Variants in ACAP2 observed in about 807,000 individuals in gnomAD.
ACAP2 encodes the protein arf-GAP with coiled-coil, ANK repeat and PH domain-containing protein 2.
ACAP2 carries 39 observed loss-of-function variants against 115.8 expected under a neutral mutation model. That is an observed-to-expected ratio of 0.34 (90% CI 0.26 to 0.44). ACAP2 has a LOEUF of 0.44. Among genes scored for constraint, ACAP2 ranks in the 20% least tolerant of loss-of-function variants. ACAP2 has a pLI of 1.00. For missense variants in ACAP2, 662 were observed against 927.6 expected (o/e 0.71, Z 3.72); for synonymous variants, 289 against 315.8 (o/e 0.92, Z 0.90).
chr3:195,346,801 CTAT>C (rs759778129), intron 4 of ACAP2, among the ~76,000 whole-genome samples: 28 of 152,088 alleles, frequency 1.8e-4, no homozygotes, highest in Non-Finnish European at 5.9e-5. Context: ...TAGAAACAAA[CTAT>C]GATACATTCA....
chr3:195,342,353 A>G, intron 6 of ACAP2, 118 bp downstream of exon 6: 1 of 1,000,174 alleles, frequency 1.0e-6, no homozygotes, highest in Non-Finnish European at 1.4e-6. Context: ...ACCTAAGATT[A>G]TGTTTTAACT....
At chr3:195,287,789 TAGTACTATACAAAG>T (rs1371059290) in intron 21 of ACAP2, among the ~76,000 whole-genome samples, 2 of 152,122 alleles carry the variant, frequency 1.3e-5, no homozygotes, top group Non-Finnish European at 2.9e-5. Flanking sequence ...GCCTCTGCCC[TAGTACTATACAAAG>T]AGATAAAGAA....
chr3:195,351,364 G>T (rs1432185779), intron 4 of ACAP2, among the ~76,000 whole-genome samples: 3 of 151,868 alleles, frequency 2.0e-5, no homozygotes, highest in African/African-American at 7.3e-5. Context: ...TGATCCGCCC[G>T]CCTCAGCCTT....
intron 4 of ACAP2, among the ~76,000 whole-genome samples, chr3:195,360,453 A>G (rs1732274137): frequency 6.6e-6 from 1 of 152,242 alleles, no homozygotes; most frequent in African/African-American, 2.4e-5. Context: ...CACTTTCAGC[A>G]CTGGACAGAT....
At position 195,275,070 on chromosome 3, in the gene ACAP2, T is replaced by G. The variant is rs1057328823; in HGVS notation, c.*4258A>C. On this transcript the variant is annotated 3_prime_UTR_variant, in exon 23 of 23. Transcript: ENST00000326793. Reference sequence around the variant, plus strand: ...GAGTAAACACATATATAAAAGTAGCTCATCATTTCCAAAAGTTAACCTTTA... The same window carrying G: ...GAGTAAACACATATATAAAAGTAGCGCATCATTTCCAAAAGTTAACCTTTA... 1 of 152,778 alleles carries G rather than the reference T, an allele frequency of 6.5e-6. No homozygotes were observed. Among genetic ancestry groups the G allele is most frequent in the East Asian group, 1.9e-4 (1 of 5,196 alleles). 9.5% of individuals were successfully genotyped at this position (152,778 alleles called of 1,614,324 possible). A position where few individuals can be genotyped will look rare whatever the true frequency, so the allele number is the denominator to read the frequency against.
At chr3:195,303,643 C>G (rs187290151) in intron 13 of ACAP2, among the ~76,000 whole-genome samples, 1 of 152,204 alleles carries the variant, frequency 6.6e-6, no homozygotes, top group Non-Finnish European at 1.5e-5. Context: ...GTGGTAAGCA[C>G]CTGTGGTCCC....
Position 195,291,775 on chromosome 3 carries a change from G to C in ACAP2, c.1994C>G (p.Ala665Gly). The change falls in exon 20 of 23, where the codon GCT becomes GGT. Residue 665 changes from alanine to glycine, a missense_variant. Ala to Gly is a moderately conservative substitution (Grantham distance 60). Around this residue, in one of 3 missense-constraint regions of ACAP2, gnomAD observed 128 missense variants for 200.2 expected, o/e 0.64. Transcript: ENST00000326793. Reference sequence around the variant, plus strand: ...TTGGACATCTCTTTGGTTGACATTAGCACCATTCTGTAGGAGGAACTCACA... The same window carrying C: ...TTGGACATCTCTTTGGTTGACATTACCACCATTCTGTAGGAGGAACTCACA... Reference protein sequence around the residue: ...VTCEFLLQNGANVNQRDVQGR... With the variant: ...VTCEFLLQNGGNVNQRDVQGR... The C allele has an allele frequency of 6.2e-7, 1 of 1,613,944 alleles. No homozygotes were observed. Among genetic ancestry groups the C allele is most frequent in the Non-Finnish European group, 8.5e-7 (1 of 1,179,946 alleles).
chr3:195,386,093 T>C (rs1018093418), intron 2 of ACAP2, among the ~76,000 whole-genome samples: 3 of 152,170 alleles, frequency 2.0e-5, no homozygotes, highest in East Asian at 1.9e-4. Flanking sequence ...TGCTACAACA[T>C]GGATGACTCT....
At chr3:195,400,210 G>GTATATATATATGTGTGTGTATA (rs1553866428) in intron 1 of ACAP2, among the ~76,000 whole-genome samples, 28 of 151,000 alleles carry the variant, frequency 1.9e-4, no homozygotes, top group African/African-American at 6.1e-4. Flanking sequence ...ATACGTATGT[G>GTATATATATATGTGTGTGTATA]TATATATATA....
rs148271258 is a variant in ACAP2 at position 195,289,234 on chromosome 3, G to A, written c.2064-3C>T. ...GTTTTAGGAATAAACATACCTGCCT[G>A]TTTAAGAACACAGCATTTTTGAGAT... On this transcript the variant is annotated splice_polypyrimidine_tract_variant and splice_region_variant and intron_variant, in intron 20 of 22. Coordinates refer to ENST00000326793, the MANE Select transcript of ACAP2 (RefSeq NM_012287.6). The A allele has an allele frequency of 6.3e-7, 1 of 1,594,684 alleles. No individual in the cohort carries two copies. The highest frequency in any genetic ancestry group is 1.4e-5 in the African/African-American group (1 of 74,048).
At chr3:195,411,338 A>G (rs1371988842) in intron 1 of ACAP2, among the ~76,000 whole-genome samples, 1 of 152,236 alleles carries the variant, frequency 6.6e-6, no homozygotes, top group Non-Finnish European at 1.5e-5. Flanking sequence ...ACCCATGTTC[A>G]CAGCCGCATT....
chr3:195,407,905 C>G (rs1207416856), intron 1 of ACAP2, among the ~76,000 whole-genome samples: 3 of 151,972 alleles, frequency 2.0e-5, no homozygotes, highest in Admixed American at 2.0e-4. Flanking sequence ...AATGACAAAC[C>G]TTTAGCTCTA....
intron 4 of ACAP2, among the ~76,000 whole-genome samples, chr3:195,364,836 C>T (rs1732606144): frequency 6.6e-6 from 1 of 152,186 alleles, no homozygotes; most frequent in Non-Finnish European, 1.5e-5. Context: ...CTCACGTTTA[C>T]TGTAGCATAT....
intron 4 of ACAP2, among the ~76,000 whole-genome samples, chr3:195,368,415 G>A (rs1406674892): frequency 1.3e-5 from 2 of 152,148 alleles, no homozygotes; most frequent in East Asian, 1.9e-4. Flanking sequence ...CTCCCATAGT[G>A]CTGGGATGAC....
chr3:195,426,353 A>G (rs1348813550), intron 1 of ACAP2, among the ~76,000 whole-genome samples: 1 of 152,190 alleles, frequency 6.6e-6, no homozygotes, highest in African/African-American at 2.4e-5. Flanking sequence ...AGATGACACA[A>G]TGCATCATCA....
At chr3:195,442,654 G>A (rs1716107018) in intron 1 of ACAP2, 141 bp downstream of exon 1, 1 of 860,384 alleles carries the variant, frequency 1.2e-6, no homozygotes, top group African/African-American at 1.8e-5. Context: ...CCCTCGCAGG[G>A]TGGGAAACGG....
chr3:195,348,913 T>C (rs1034819972), intron 4 of ACAP2, among the ~76,000 whole-genome samples: 12 of 152,214 alleles, frequency 7.9e-5, no homozygotes, highest in South Asian at 2.1e-4. Context: ...AGGCCAGGAA[T>C]GCCTACTCAT....
chr3:195,311,029 T>A (rs1179504839), intron 10 of ACAP2, among the ~76,000 whole-genome samples: 1 of 151,932 alleles, frequency 6.6e-6, no homozygotes, highest in South Asian at 2.1e-4. Flanking sequence ...AAAGGGAATA[T>A]AATTTTTAAT....
chr3:195,399,776 T>C (rs764277598), intron 1 of ACAP2, among the ~76,000 whole-genome samples: 1 of 152,050 alleles, frequency 6.6e-6, no homozygotes, highest in Non-Finnish European at 1.5e-5. Flanking sequence ...CTCTGGTGAA[T>C]GAATATCACA....
Sources: gnomAD v4.1 joint callset for allele counts (sites outside exome capture counted in the v4.1 genomes callset) on GRCh38, gnomAD v4.1.1 for gene constraint, gnomAD v4.1.1 regional missense constraint, MANE v1.5 for transcripts, NCBI Gene and HGNC (gene_info 2026-07-23, HGNC 2026-07-21) for gene names.